NPAS3: variants seen among roughly 807,000 people sequenced by gnomAD.
NPAS3 encodes the protein neuronal PAS domain protein 3, also known as neuronal PAS domain-containing protein 3.
A neutral mutation model predicts 73.1 loss-of-function variants in NPAS3; 14 were observed. The observed-to-expected ratio is 0.19, with a 90% CI of 0.13 to 0.30. The LOEUF is 0.30. Among genes scored for constraint, NPAS3 ranks in the 10% least tolerant of loss-of-function variants. NPAS3 has a pLI of 1.00. For synonymous variants in NPAS3, 620 were observed against 541.5 expected, an observed-to-expected ratio of 1.14 and a Z score of -2.01; for missense variants, 1,096 against 1,250.0, an observed-to-expected ratio of 0.88 and a Z score of 1.86.
At chr14:33,441,414 G>A (rs2049243067) in intron 4 of NPAS3, among the ~76,000 whole-genome samples, 1 of 152,130 alleles carries the variant, frequency 6.6e-6, no homozygotes, top group Non-Finnish European at 1.5e-5. Context: ...ATCTTAGAGT[G>A]CAGATAAAAT....
chr14:33,086,986 C>T (rs765449248), intron 2 of NPAS3, among the ~76,000 whole-genome samples: 2 of 151,714 alleles, frequency 1.3e-5, no homozygotes, highest in Admixed American at 6.6e-5. Context: ...GATCTAGGTC[C>T]ATGTTAGGGA....
intron 3 of NPAS3, among the ~76,000 whole-genome samples, chr14:33,301,782 G>T (rs149957138): frequency 3.7e-4 from 57 of 152,174 alleles, no homozygotes; most frequent in African/African-American, 1.1e-3. Flanking sequence ...AACACACAGA[G>T]AATTATTTTT....
intron 4 of NPAS3, among the ~76,000 whole-genome samples, chr14:33,460,383 C>G (rs992685812): frequency 6.6e-6 from 1 of 152,092 alleles, no homozygotes; most frequent in Non-Finnish European, 1.5e-5. Flanking sequence ...AAAAGAAGTA[C>G]TATAACTCCA....
At chr14:33,054,614 GTTT>G (rs10545642) in intron 1 of NPAS3, among the ~76,000 whole-genome samples, 42 of 137,238 alleles carry the variant, frequency 3.1e-4, no homozygotes, top group African/African-American at 6.2e-4. Context: ...ACTTATCTGA[GTTT>G]TTTTTTTTTT....
intron 5 of NPAS3, among the ~76,000 whole-genome samples, chr14:33,618,983 T>A (rs911207952): frequency 2.6e-5 from 4 of 152,248 alleles, no homozygotes; most frequent in Admixed American, 2.0e-4. Flanking sequence ...TCTAGTCTGC[T>A]GGATTTCTTG....
At chr14:33,039,327 T>C (rs2040273450) in intron 1 of NPAS3, among the ~76,000 whole-genome samples, 1 of 152,214 alleles carries the variant, frequency 6.6e-6, no homozygotes, top group South Asian at 2.1e-4. Context: ...AGAGGCCTAA[T>C]TTCCATTATA....
chr14:33,465,014 G>T (rs1462511570), intron 4 of NPAS3, among the ~76,000 whole-genome samples: 1 of 152,150 alleles, frequency 6.6e-6, no homozygotes, highest in Non-Finnish European at 1.5e-5. Context: ...ACAGTAAATA[G>T]GGATCTTGCT....
intron 4 of NPAS3, among the ~76,000 whole-genome samples, chr14:33,514,765 A>T (rs986138734): frequency 3.3e-5 from 5 of 152,088 alleles, no homozygotes; most frequent in African/African-American, 1.2e-4. Flanking sequence ...TGATTATTTC[A>T]TTATATGATT....
In NPAS3 at chr14:33,743,561, G is replaced by A. The variant is rs554386640; in HGVS notation, c.852+8229G>A. On this transcript the variant is annotated intron_variant, in intron 7 of 11. Coordinates refer to ENST00000356141, the Ensembl canonical transcript of NPAS3. ...AAAGCATAATTCTTAAGAGCCCTAGGATTTCCAGAATAAGTGAGCATTGGC... is the reference window on the plus strand; with the variant it reads ...AAAGCATAATTCTTAAGAGCCCTAGAATTTCCAGAATAAGTGAGCATTGGC... Among the ~76,000 whole-genome samples, 4 of 152,248 alleles carry A rather than the reference G, an allele frequency of 2.6e-5. No individual in the cohort carries two copies. The East Asian group carries it at 7.7e-4, about 29-fold the overall frequency.
intron 9 of NPAS3, 40 bp from the exon 10 acceptor site, chr14:33,793,857 A>T: frequency 1.3e-6 from 2 of 1,558,156 alleles, no homozygotes; most frequent in Non-Finnish European, 1.7e-6. Context: ...ATTTGATCCC[A>T]GTCTTAATAC....
chr14:33,329,306 C>T (rs894636916), intron 3 of NPAS3, among the ~76,000 whole-genome samples: 1 of 152,128 alleles, frequency 6.6e-6, no homozygotes, highest in Non-Finnish European at 1.5e-5. Flanking sequence ...AGCGAACAAG[C>T]AACTGCGCTA....
At chr14:33,735,952 T>A (rs1310249086) in intron 7 of NPAS3, among the ~76,000 whole-genome samples, 1 of 152,216 alleles carries the variant, frequency 6.6e-6, no homozygotes, top group African/African-American at 2.4e-5. Flanking sequence ...GTTAAGGATA[T>A]AAAAGCCTTC....
chr14:33,413,200 G>A (rs1302231177), intron 4 of NPAS3, among the ~76,000 whole-genome samples: 2 of 151,486 alleles, frequency 1.3e-5, no homozygotes, highest in African/African-American at 4.8e-5. Context: ...TCATATGTGA[G>A]GACAACACTT....
chr14:33,157,842 A>C (rs1319568628), intron 2 of NPAS3, among the ~76,000 whole-genome samples: 1 of 152,184 alleles, frequency 6.6e-6, no homozygotes, highest in Non-Finnish European at 1.5e-5. Context: ...GGCTTCAGTC[A>C]TCTCATCTGT....
intron 3 of NPAS3, among the ~76,000 whole-genome samples, chr14:33,313,878 G>A (rs999113841): frequency 3.3e-5 from 5 of 152,002 alleles, no homozygotes; most frequent in African/African-American, 4.8e-5. Flanking sequence ...ACTGCTAAGT[G>A]TTTTTTTAAG....
chr14:33,165,578 G>A lies in NPAS3; in HGVS notation c.141-49604G>A, dbSNP rs370828038. Among the ~76,000 whole-genome samples, 18 of 152,198 alleles carry A rather than the reference G, an allele frequency of 1.2e-4. No homozygotes were observed. In the East Asian group the frequency reaches 1.7e-3, roughly 15 times the overall value. The stretch of plus-strand genomic sequence containing the variant: ...TAGTAGAATCATTTCTAATCTGGAG[G>A]CCTTATCAGAGCGTTGGCTGATAAT... On this transcript the variant is annotated intron_variant, in intron 2 of 11. Transcript: ENST00000356141.
intron 1 of NPAS3, among the ~76,000 whole-genome samples, chr14:33,054,046 TATC>T (rs1465438007): frequency 1.3e-5 from 2 of 152,202 alleles, no homozygotes; most frequent in Non-Finnish European, 2.9e-5. Context: ...ATCTGTAACA[TATC>T]ATCTGCTGTC....
chr14:33,117,383 C>G (rs1481958262), intron 2 of NPAS3, among the ~76,000 whole-genome samples: 1 of 152,094 alleles, frequency 6.6e-6, no homozygotes, highest in Non-Finnish European at 1.5e-5. Flanking sequence ...GACTCTGCCT[C>G]TGCTGAAGGT....
At chr14:33,113,183 G>T (rs2042952374) in intron 2 of NPAS3, among the ~76,000 whole-genome samples, 1 of 152,022 alleles carries the variant, frequency 6.6e-6, no homozygotes, top group Non-Finnish European at 1.5e-5. Flanking sequence ...CTTTAAAGTA[G>T]TTTTTTTCCA....
Sources: gnomAD v4.1 joint callset for allele counts (sites outside exome capture counted in the v4.1 genomes callset) on GRCh38, gnomAD v4.1.1 for gene constraint, MANE v1.5 for transcripts, NCBI Gene and HGNC (gene_info 2026-07-23, HGNC 2026-07-21) for gene names.